The following COX7B2 variants were observed in gnomAD, a reference collection of about 807,000 sequenced individuals.
The protein encoded by COX7B2 is cytochrome c oxidase subunit 7B2, also known as cytochrome c oxidase subunit 7B2, mitochondrial.
For synonymous variants in COX7B2, 37 were observed against 32.1 expected (o/e 1.15, Z -0.51); for missense variants, 109 against 95.9 (o/e 1.14, Z -0.57).
chr4:46,794,052 T>A (rs190004825), intron 2 of COX7B2, among the ~76,000 whole-genome samples: 10 of 152,294 alleles, frequency 6.6e-5, no homozygotes. Context: ...CCTCTCTTTG[T>A]TTCTACATCT....
At chr4:46,808,497 A>C (rs913022990) in intron 2 of COX7B2, among the ~76,000 whole-genome samples, 4 of 151,478 alleles carry the variant, frequency 2.6e-5, no homozygotes, top group African/African-American at 9.7e-5. Context: ...CTTCCTTTTA[A>C]CTTAGATGAC....
intron 2 of COX7B2, among the ~76,000 whole-genome samples, chr4:46,803,545 T>C (rs1186875752): frequency 6.6e-6 from 1 of 152,004 alleles, no homozygotes; most frequent in Non-Finnish European, 1.5e-5. Flanking sequence ...CCTTTAAGAG[T>C]CTCAAACTAT....
chr4:46,816,796 G>A (rs1000832058), intron 2 of COX7B2, among the ~76,000 whole-genome samples: 1 of 152,152 alleles, frequency 6.6e-6, no homozygotes, highest in African/African-American at 2.4e-5. Context: ...ATGTAGACTA[G>A]AAATAAATCT....
rs547020355 is a variant in COX7B2, at chr4:46,783,794, A to C, written c.-49-48553T>G. ...GAAAGAAGAAACAAGGAAGAAAAGA[A>C]AGAAGAAGAAAAGAGAGAAAGTAAC... On this transcript the variant is annotated intron_variant, in intron 2 of 2. Transcript: ENST00000355591. Among the ~76,000 whole-genome samples the C allele has an allele frequency of 3.9e-5, 6 of 152,282 alleles. No homozygotes were observed. In the East Asian group the frequency reaches 9.6e-4, roughly 24 times the overall value.
intron 1 of COX7B2, among the ~76,000 whole-genome samples, chr4:46,896,825 T>C (rs1560443406): frequency 1.3e-5 from 2 of 152,208 alleles, no homozygotes. Context: ...AAGGAGAATG[T>C]GCTTTATCAT....
At chr4:46,744,405 C>T (rs1251449696) in intron 2 of COX7B2, among the ~76,000 whole-genome samples, 2 of 152,086 alleles carry the variant, frequency 1.3e-5, no homozygotes, top group Non-Finnish European at 2.9e-5. Flanking sequence ...CCTCCCATCT[C>T]CTTGGCTATA....
chr4:46,908,689 A>G (rs988498506), intron 1 of COX7B2, among the ~76,000 whole-genome samples: 3 of 149,120 alleles, frequency 2.0e-5, no homozygotes, highest in Non-Finnish European at 3.0e-5. Context: ...TCCAAAATAT[A>G]ACGTCTTTCC....
chr4:46,748,379 A>C (rs1370723980), intron 2 of COX7B2, among the ~76,000 whole-genome samples: 1 of 152,160 alleles, frequency 6.6e-6, no homozygotes, highest in African/African-American at 2.4e-5. Context: ...CAAAACAAAA[A>C]AATACTTTAG....
chr4:46,752,945 G>A lies in COX7B2; in HGVS notation c.-49-17704C>T, dbSNP rs989993366. 3.3e-5 allele frequency among the ~76,000 whole-genome samples: 5 copies of A among 152,130 alleles called. No homozygotes were observed. In the South Asian group the frequency reaches 1.0e-3, roughly 32 times the overall value. On this transcript the variant is annotated intron_variant, in intron 2 of 2. Transcript: ENST00000355591. ...TGCTGCCCTCATAAAATGAGTCAGGGAGGAGTCCCTCTTTTTCTATTGATT... is the reference window on the plus strand; with the variant it reads ...TGCTGCCCTCATAAAATGAGTCAGGAAGGAGTCCCTCTTTTTCTATTGATT...
At chr4:46,756,840 G>A (rs1715831468) in intron 2 of COX7B2, among the ~76,000 whole-genome samples, 1 of 152,036 alleles carries the variant, frequency 6.6e-6, no homozygotes, top group Non-Finnish European at 1.5e-5. Flanking sequence ...GTTGGTGGGA[G>A]TGTAAATTAG....
chr4:46,804,131 G>A (rs530795518), intron 2 of COX7B2, among the ~76,000 whole-genome samples: 6 of 152,078 alleles, frequency 3.9e-5, no homozygotes, highest in East Asian at 1.9e-4. Flanking sequence ...CTCTTAAGGC[G>A]GCGCGTCTGG....
At chr4:46,825,710 G>C (rs984991527) in intron 2 of COX7B2, among the ~76,000 whole-genome samples, 5 of 152,120 alleles carry the variant, frequency 3.3e-5, no homozygotes, top group East Asian at 1.9e-4. Flanking sequence ...ACAGAATAGA[G>C]AGCCCAGAAA....
chr4:46,757,577 A>G (rs761963866), intron 2 of COX7B2, among the ~76,000 whole-genome samples: 1 of 152,062 alleles, frequency 6.6e-6, no homozygotes, highest in African/African-American at 2.4e-5. Context: ...ACAAAATCTT[A>G]TCTTCCCCAG....
At position 46,761,517 on chromosome 4, in the gene COX7B2, T is replaced by C. The variant is rs537960611; in HGVS notation, c.-49-26276A>G. Among the ~76,000 whole-genome samples the C allele has an allele frequency of 2.0e-5, 3 of 152,286 alleles. No individual in the cohort carries two copies. In the South Asian group the frequency reaches 6.2e-4, roughly 32 times the overall value. On this transcript the variant is annotated intron_variant, in intron 2 of 2. Transcript: ENST00000355591. The stretch of plus-strand genomic sequence containing the variant: ...AGGTGAAAGAGCTGAACTGTTCCTG[T>C]TTCTGTTACGGTAACATTCTTTCTT...
intron 2 of COX7B2, among the ~76,000 whole-genome samples, chr4:46,805,993 T>G (rs1165611720): frequency 6.6e-6 from 1 of 152,178 alleles, no homozygotes; most frequent in Admixed American, 6.5e-5. Context: ...TGGCACAGAA[T>G]GTAAGCTTAA....
At chr4:46,887,891 T>C (rs780231372) in intron 1 of COX7B2, among the ~76,000 whole-genome samples, 21 of 152,060 alleles carry the variant, frequency 1.4e-4, no homozygotes, top group Non-Finnish European at 3.1e-4. Context: ...GAGTTGGCCA[T>C]GGATTCTGTT....
intron 2 of COX7B2, among the ~76,000 whole-genome samples, chr4:46,843,015 C>T (rs560106273): frequency 6.6e-5 from 10 of 152,202 alleles, no homozygotes; most frequent in Non-Finnish European, 1.3e-4. Context: ...TACAGTCCCA[C>T]CAACAGTGTA....
At chr4:46,742,211 T>C (rs1186058615) in intron 2 of COX7B2, among the ~76,000 whole-genome samples, 2 of 152,170 alleles carry the variant, frequency 1.3e-5, no homozygotes, top group Non-Finnish European at 2.9e-5. Flanking sequence ...AAATGAATGA[T>C]ACACTTTTGG....
At chr4:46,874,778 G>A (rs2109832193) in intron 1 of COX7B2, among the ~76,000 whole-genome samples, 1 of 152,226 alleles carries the variant, frequency 6.6e-6, no homozygotes, top group African/African-American at 2.4e-5. Flanking sequence ...ATGTTTTCTG[G>A]AAATTTTTCT....
Sources: gnomAD v4.1 joint callset for allele counts (sites outside exome capture counted in the v4.1 genomes callset) on GRCh38, gnomAD v4.1.1 for gene constraint, MANE v1.5 for transcripts, NCBI Gene and HGNC (gene_info 2026-07-23, HGNC 2026-07-21) for gene names.